BAG2: variants seen among roughly 807,000 people sequenced by gnomAD.
The protein encoded by BAG2 is BAG cochaperone 2.
BAG2 carries 8 observed loss-of-function variants against 16.4 expected under a neutral mutation model. That is an observed-to-expected ratio of 0.49 (90% CI 0.29 to 0.88). The LOEUF (loss-of-function observed/expected upper bound fraction) is 0.88, where lower values mean the gene tolerates loss of function less well. Ranked by LOEUF, BAG2 falls within the 40% of genes least tolerant of loss-of-function variation. The pLI, the probability that BAG2 is intolerant of heterozygous loss-of-function variation, is 0.09. For missense variants in BAG2, 218 were observed against 248.9 expected (o/e 0.88, Z 0.84); for synonymous variants, 82 against 89.2 (o/e 0.92, Z 0.46).
chr6:57,175,532 C>T (rs1463574267), intron 1 of BAG2, among the ~76,000 whole-genome samples: 1 of 152,228 alleles, frequency 6.6e-6, no homozygotes, highest in Admixed American at 6.5e-5. Context: ...GCATTTAGCA[C>T]CCAGAGGCCA....
intron 2 of BAG2, 54 bp downstream of exon 2, chr6:57,182,195 T>G: frequency 6.6e-7 from 1 of 1,518,762 alleles, no homozygotes; most frequent in Non-Finnish European, 9.1e-7. Flanking sequence ...TTAAAGAGTT[T>G]ATGATAAGTG....
rs1369759783 is a variant in BAG2, at chr6:57,184,846, A to G, written c.*656A>G. On this transcript the variant is annotated 3_prime_UTR_variant, in exon 3 of 3. Coordinates refer to ENST00000370693, the MANE Select transcript of BAG2 (RefSeq NM_004282.4). ...ATCTATCTGCTTCATCTTTTCTCAA[A>G]TGCATCAATTCTCTAAAATTCCTAT... 1 of 152,626 alleles carries G rather than the reference A, an allele frequency of 6.6e-6. No homozygotes were observed. Among genetic ancestry groups the G allele is most frequent in the Non-Finnish European group, 1.5e-5 (1 of 68,018 alleles). The allele number at this position is 152,626 out of a possible 1,614,324, so 9.5% of individuals were successfully genotyped here.
In BAG2 at chr6:57,185,469, CTT is replaced by C. The variant is rs917212910; in HGVS notation, c.*1281_*1282del. ...AAAACCAAATCAAGATCCAAACTGA[CTT>C]TATGTATGTATATATCTCTCAATGC... On this transcript the variant is annotated 3_prime_UTR_variant, in exon 3 of 3. Transcript: ENST00000370693. The C allele has an allele frequency of 3.9e-5, 6 of 152,162 alleles. No individual in the cohort carries two copies. The highest frequency in any genetic ancestry group is 1.4e-4 in the African/African-American group (6 of 41,436). 9.4% of individuals were successfully genotyped at this position (152,162 alleles called of 1,614,324 possible).
intron 1 of BAG2, 130 bp downstream of exon 1, chr6:57,172,940 C>T: frequency 1.2e-6 from 1 of 834,508 alleles, no homozygotes; most frequent in Non-Finnish European, 1.7e-6. Flanking sequence ...ACCGAAGTTG[C>T]TTGTTGAGAT....
At chr6:57,173,838 CATGT>C (rs75479100) in intron 1 of BAG2, 10,326 of 153,258 alleles carry the variant, frequency 0.067, 490 homozygotes, top group East Asian at 0.094. Context: ...GGAAACACTG[CATGT>C]GTGTCTTTAT....
At chr6:57,176,846 G>T (rs527867016) in intron 1 of BAG2, among the ~76,000 whole-genome samples, 1 of 152,256 alleles carries the variant, frequency 6.6e-6, no homozygotes, top group African/African-American at 2.4e-5. Flanking sequence ...AACCCTTCGA[G>T]TTAGGTGGAG....
At chr6:57,173,310 A>G in intron 1 of BAG2, 1 of 985,530 alleles carries the variant, frequency 1.0e-6, no homozygotes, top group Non-Finnish European at 1.2e-6. Flanking sequence ...TGAATAAAAC[A>G]AAACCAACCC....
chr6:57,174,373 C>G, intron 1 of BAG2: 1 of 1,304,216 alleles, frequency 7.7e-7, no homozygotes, highest in Non-Finnish European at 1.0e-6. Context: ...TGTCCTCCAA[C>G]TTGAATTAAT....
intron 1 of BAG2, chr6:57,173,583 G>C: frequency 1.2e-6 from 1 of 836,376 alleles, no homozygotes; most frequent in Non-Finnish European, 1.4e-6. Context: ...TAGTAGACTT[G>C]TATAGAATTT....
chr6:57,178,047 T>C (rs577834673), intron 1 of BAG2, among the ~76,000 whole-genome samples: 1 of 152,296 alleles, frequency 6.6e-6, no homozygotes, highest in Non-Finnish European at 1.5e-5. Context: ...CCAGCCTTGA[T>C]GTGAGGAAAA....
intron 2 of BAG2, among the ~76,000 whole-genome samples, chr6:57,182,957 T>C (rs1350950692): frequency 6.6e-6 from 1 of 152,222 alleles, no homozygotes; most frequent in Non-Finnish European, 1.5e-5. Flanking sequence ...ACCTGTGCTG[T>C]CATTTTCATG....
chr6:57,175,522 G>T (rs910114873), intron 1 of BAG2, among the ~76,000 whole-genome samples: 2 of 152,344 alleles, frequency 1.3e-5, no homozygotes, highest in South Asian at 2.1e-4. Flanking sequence ...CTGGAGGAGG[G>T]CATTTAGCAC....
rs1181055328 is a variant in BAG2, at chr6:57,184,204, G to A, written c.*14G>A. 2.0e-6 allele frequency: 3 copies of A among 1,524,640 alleles called. No homozygotes were observed. The East Asian group carries it at 6.8e-5, about 34-fold the overall frequency. The allele number at this position is 1,524,640 out of a possible 1,614,324, so 94.4% of individuals were successfully genotyped here. ...AGATTCAATTAGTCTTCAAACCTAA[G>A]AGCATTTACACAATACACAAGGTGT... On this transcript the variant is annotated 3_prime_UTR_variant, in exon 3 of 3. Transcript: ENST00000370693.
At chr6:57,174,640 G>T (rs1385073359) in intron 1 of BAG2, among the ~76,000 whole-genome samples, 2 of 151,898 alleles carry the variant, frequency 1.3e-5, no homozygotes, top group African/African-American at 2.4e-5. Flanking sequence ...TTTTAAAAAA[G>T]TAATACTAGC....
chr6:57,174,015 A>G (rs1562638726), intron 1 of BAG2: 1 of 175,576 alleles, frequency 5.7e-6, no homozygotes, highest in Non-Finnish European at 1.2e-5. Flanking sequence ...TTGGATTATT[A>G]AGCCCTACAC....
At chr6:57,180,864 T>C (rs1266184295) in intron 1 of BAG2, among the ~76,000 whole-genome samples, 1 of 152,034 alleles carries the variant, frequency 6.6e-6, no homozygotes, top group Non-Finnish European at 1.5e-5. Context: ...TGAGAGATGG[T>C]TGCAATGTCT....
At chr6:57,173,450 G>A (rs745654888) in intron 1 of BAG2, 3 of 985,242 alleles carry the variant, frequency 3.0e-6, no homozygotes, top group Non-Finnish European at 3.6e-6. Flanking sequence ...CAGCGGTTCC[G>A]TTCGTCTCTC....
chr6:57,186,079 A>G lies in BAG2; in HGVS notation c.*1889A>G, dbSNP rs1764605495. 1.3e-5 allele frequency: 2 copies of G among 152,196 alleles called. No homozygotes were observed. Among genetic ancestry groups the G allele is most frequent in the African/African-American group, 4.8e-5 (2 of 41,400 alleles). 9.4% of individuals were successfully genotyped at this position (152,196 alleles called of 1,614,324 possible). A position where few individuals can be genotyped will look rare whatever the true frequency, so the allele number is the denominator to read the frequency against. On this transcript the variant is annotated 3_prime_UTR_variant, in exon 3 of 3. Transcript: ENST00000370693. ...GCATTCTGTACCTAGAGCCACATCT[A>G]AAGGGCAGGGAATCTCCAGTGTGGT...
rs1764733231 is a variant in BAG2, at chr6:57,189,163, T to A, written c.*4973T>A. On this transcript the variant is annotated 3_prime_UTR_variant, in exon 3 of 3. Coordinates refer to ENST00000370693, the MANE Select transcript of BAG2 (RefSeq NM_004282.4). ...ACTGTCCCAAGTGACAAAATTTATG[T>A]CCTGACACATGATTACATATTAAAT... 1 of 152,210 alleles carries A rather than the reference T, an allele frequency of 6.6e-6. No homozygotes were observed. Among genetic ancestry groups the A allele is most frequent in the Non-Finnish European group, 1.5e-5 (1 of 68,028 alleles). 9.4% of individuals were successfully genotyped at this position (152,210 alleles called of 1,614,324 possible).
Sources: gnomAD v4.1 joint callset for allele counts (sites outside exome capture counted in the v4.1 genomes callset) on GRCh38, gnomAD v4.1.1 for gene constraint, MANE v1.5 for transcripts, NCBI Gene and HGNC (gene_info 2026-07-23, HGNC 2026-07-21) for gene names.